Variants in PRUNE1 observed in about 807,000 individuals in gnomAD.
The protein encoded by PRUNE1 is exopolyphosphatase PRUNE1.
In PRUNE1, 25 loss-of-function variants were observed where a neutral mutation model predicts 42.5. The ratio of observed to expected loss-of-function variants is 0.59; its 90% CI spans 0.43 to 0.82. The LOEUF is 0.82. Ranked by LOEUF, PRUNE1 falls within the 40% of genes least tolerant of loss-of-function variation. PRUNE1 has a pLI of 0.00. For synonymous variants in PRUNE1, 203 were observed against 217.1 expected, an observed-to-expected ratio of 0.93 and a Z score of 0.57; for missense variants, 443 against 539.3, an observed-to-expected ratio of 0.82 and a Z score of 1.77.
At chr1:151,023,688 A>G (rs1052616115) in intron 3 of PRUNE1, among the ~76,000 whole-genome samples, 1 of 151,260 alleles carries the variant, frequency 6.6e-6, no homozygotes, top group Non-Finnish European at 1.5e-5. Context: ...ACTGCACTCC[A>G]GCCTGGGCGA....
intron 7 of PRUNE1, 147 bp downstream of exon 7, chr1:151,029,091 G>A (rs955435220): frequency 1.4e-6 from 1 of 694,978 alleles, no homozygotes; most frequent in Non-Finnish European, 2.2e-6. Context: ...TTCTGGACCT[G>A]TTTCCTCCCC....
chr1:151,032,244 C>A (rs375682096), intron 7 of PRUNE1, among the ~76,000 whole-genome samples: 59 of 144,702 alleles, frequency 4.1e-4, no homozygotes, highest in Non-Finnish European at 4.8e-4. Context: ...GAATCCATTT[C>A]AAAAAAAAAA....
At chr1:151,014,268 C>T (rs1236764367) in intron 1 of PRUNE1, among the ~76,000 whole-genome samples, 8 of 152,186 alleles carry the variant, frequency 5.3e-5, no homozygotes, top group East Asian at 3.9e-4. Context: ...CGTAAGCCAC[C>T]GCGCCCGGCC....
intron 7 of PRUNE1, among the ~76,000 whole-genome samples, chr1:151,032,930 TG>T (rs1488002905): frequency 6.6e-6 from 1 of 151,310 alleles, no homozygotes; most frequent in Non-Finnish European, 1.5e-5. Flanking sequence ...TGAACCACCA[TG>T]TCTGGCTAAT....
chr1:151,010,544 T>A (rs1175417677), intron 1 of PRUNE1, among the ~76,000 whole-genome samples: 2 of 152,138 alleles, frequency 1.3e-5, no homozygotes, highest in African/African-American at 4.8e-5. Flanking sequence ...AGATTGTGTC[T>A]TAGAGCTTGC....
intron 5 of PRUNE1, among the ~76,000 whole-genome samples, chr1:151,026,306 A>G (rs1297975699): frequency 9.9e-5 from 15 of 151,794 alleles, no homozygotes; most frequent in Admixed American, 8.5e-4. Flanking sequence ...AAAATACGAA[A>G]AATTAGCTGA....
At chr1:151,021,723 CTTTTTTT>C in intron 3 of PRUNE1, among the ~76,000 whole-genome samples, 1 of 141,252 alleles carries the variant, frequency 7.1e-6, no homozygotes, top group South Asian at 2.3e-4. Flanking sequence ...CTTTTTTTTT[CTTTTTTT>C]TTTTTGAGAC....
At chr1:151,031,479 G>C (rs1373934523) in intron 7 of PRUNE1, among the ~76,000 whole-genome samples, 1 of 152,064 alleles carries the variant, frequency 6.6e-6, no homozygotes, top group Non-Finnish European at 1.5e-5. Flanking sequence ...GGGCCACTAT[G>C]CCCAGCCAGG....
intron 1 of PRUNE1, among the ~76,000 whole-genome samples, chr1:151,014,368 G>A (rs1055829225): frequency 6.6e-6 from 1 of 152,218 alleles, no homozygotes; most frequent in Non-Finnish European, 1.5e-5. Context: ...GGCAGAACCC[G>A]GACAGATAAC....
chr1:151,031,990 A>G (rs1173674199), intron 7 of PRUNE1, among the ~76,000 whole-genome samples: 1 of 152,206 alleles, frequency 6.6e-6, no homozygotes, highest in Admixed American at 6.5e-5. Flanking sequence ...CATGCCTGTA[A>G]TCCCAGAACT....
rs1331838787 is a variant in PRUNE1 at position 151,024,548 on chromosome 1, A to G, written c.336-63A>G. On this transcript the variant is annotated intron_variant, in intron 3 of 7. Transcript: ENST00000271620. ...TTGATGTGTGGGGTAGAGGTTGGCT[A>G]GAAGCAGCTGGAGTGTCCGTACCTA... 4 of 1,469,884 alleles carry G rather than the reference A, an allele frequency of 2.7e-6. No individual in the cohort carries two copies. The East Asian group carries it at 9.1e-5, about 34-fold the overall frequency. The allele number at this position is 1,469,884 out of a possible 1,614,324, so 91.1% of individuals were successfully genotyped here.
intron 6 of PRUNE1, among the ~76,000 whole-genome samples, chr1:151,027,785 C>T (rs587746960): frequency 0.021 from 2,320 of 109,378 alleles, 42 homozygotes; most frequent in Non-Finnish European, 0.036. Flanking sequence ...TGTGTGTGCG[C>T]GCGCGTGTAT....
intron 1 of PRUNE1, among the ~76,000 whole-genome samples, chr1:151,011,565 C>T (rs1398522849): frequency 1.3e-5 from 2 of 152,090 alleles, no homozygotes; most frequent in Non-Finnish European, 2.9e-5. Context: ...GAGGGTTTGT[C>T]TCTCTCTGGC....
intron 1 of PRUNE1, 123 bp downstream of exon 1, chr1:151,008,794 G>A (rs1183337670): frequency 1.8e-5 from 22 of 1,209,134 alleles, no homozygotes; most frequent in East Asian, 2.4e-5. Context: ...GGGGAGGGGG[G>A]TTGGGGCCTG....
intron 3 of PRUNE1, among the ~76,000 whole-genome samples, chr1:151,020,982 T>TAA (rs752789540): frequency 7.4e-6 from 1 of 136,008 alleles, no homozygotes; most frequent in Non-Finnish European, 1.6e-5. Context: ...GACTCCATCT[T>TAA]AAAAAAAAAA....
chr1:151,022,811 G>C (rs1674562327), intron 3 of PRUNE1: 1 of 152,066 alleles, frequency 6.6e-6, no homozygotes, highest in African/African-American at 2.4e-5. Context: ...AATCTTCTCT[G>C]TGTCATTCCA....
rs1297397533 is a variant in PRUNE1, at chr1:151,017,108, A to AG, written c.40-704_40-703insG. Among the ~76,000 whole-genome samples, 457 of 151,570 alleles carry AG rather than the reference A, an allele frequency of 3.0e-3. 3 individuals are homozygous for AG. The highest frequency in any genetic ancestry group is 7.9e-3 in the South Asian group (38 of 4,790). On this transcript the variant is annotated intron_variant, in intron 1 of 7. Transcript: ENST00000271620. ...ACTCCATCTCAAAAAAAAAAAAAAA[A>AG]AAGTATAAGCATTCTTTTACCTATT...
chr1:151,018,841 G>C (rs1262975966), intron 3 of PRUNE1, among the ~76,000 whole-genome samples, 172 bp downstream of exon 3: 1 of 151,974 alleles, frequency 6.6e-6, no homozygotes, highest in Non-Finnish European at 1.5e-5. Flanking sequence ...TCAGGATTTT[G>C]AGACCAGCCT....
chr1:151,012,112 A>G (rs374484524), intron 1 of PRUNE1, among the ~76,000 whole-genome samples: 6 of 152,162 alleles, frequency 3.9e-5, no homozygotes, highest in African/African-American at 1.4e-4. Flanking sequence ...AAAAAGAAAA[A>G]AAGTTTGTAT....
Sources: allele counts gnomAD v4.1 joint callset (sites outside exome capture counted in the v4.1 genomes callset), GRCh38; gene constraint gnomAD v4.1.1; transcripts MANE v1.5; gene names NCBI Gene and HGNC (gene_info 2026-07-23, HGNC 2026-07-21).